Variants in EIF4G3 observed in about 807,000 individuals in gnomAD.
The protein encoded by EIF4G3 is eukaryotic translation initiation factor 4 gamma 3, also known as eIF-4-gamma 3.
In EIF4G3, 34 loss-of-function variants were observed where a neutral mutation model predicts 186.4. The ratio of observed to expected loss-of-function variants is 0.18; its 90% CI spans 0.14 to 0.24. EIF4G3 has a LOEUF of 0.24. EIF4G3 is among the 10% of genes least tolerant of loss of function. The pLI, the probability that EIF4G3 is intolerant of heterozygous loss-of-function variation, is 1.00. For synonymous variants in EIF4G3, 673 were observed against 679.5 expected, an observed-to-expected ratio of 0.99 and a Z score of 0.15; for missense variants, 1,536 against 1,948.5, an observed-to-expected ratio of 0.79 and a Z score of 3.99.
intron 12 of EIF4G3, among the ~76,000 whole-genome samples, chr1:20,951,199 G>A (rs2096203224): frequency 6.6e-6 from 1 of 151,814 alleles, no homozygotes; most frequent in Non-Finnish European, 1.5e-5. Context: ...CTTAAAATGG[G>A]AATATAAAAT....
intron 2 of EIF4G3, among the ~76,000 whole-genome samples, chr1:21,128,229 C>T (rs1456442259): frequency 6.8e-6 from 1 of 146,100 alleles, no homozygotes; most frequent in Non-Finnish European, 1.5e-5. Flanking sequence ...AAAGTTTCGG[C>T]TGGGTGTGGT....
intron 30 of EIF4G3, among the ~76,000 whole-genome samples, chr1:20,838,646 C>T (rs150915080): frequency 8.1e-4 from 123 of 152,260 alleles, no homozygotes; most frequent in African/African-American, 2.8e-3. Flanking sequence ...GTTCAAATGG[C>T]CTTAATTCAG....
intron 2 of EIF4G3, chr1:21,111,224 AT>A: frequency 4.6e-6 from 2 of 438,628 alleles, no homozygotes; most frequent in Non-Finnish European, 9.4e-6. Flanking sequence ...TGTGTTGCAC[AT>A]TCCTGAGTAC....
intron 13 of EIF4G3, among the ~76,000 whole-genome samples, chr1:20,944,062 A>G (rs1176214780): frequency 6.8e-6 from 1 of 148,126 alleles, no homozygotes. Flanking sequence ...TAGATGGAAC[A>G]CACCATATAT....
intron 20 of EIF4G3, among the ~76,000 whole-genome samples, chr1:20,877,307 A>T (rs929114918): frequency 1.3e-5 from 2 of 152,212 alleles, no homozygotes; most frequent in African/African-American, 4.8e-5. Flanking sequence ...GCTTCCATAT[A>T]ACTATGGCAC....
Position 20,862,243 on chromosome 1 carries a change from A to G in EIF4G3, c.3096T>C (p.Val1032=), listed in dbSNP as rs759719330. Residue 1032 remains valine, a synonymous_variant, in exon 23 of 37, where the codon GTT becomes GTC. Transcript: ENST00000602326. ...TCCCACTCACCAGCCTTAGGTCTAT[A>G]ACATCTTGAAGCATGAACCGAATCC... ...SSRIRFMLQD[V]IDLRLCNWVS... 1 of 1,603,118 alleles carries G rather than the reference A, an allele frequency of 6.2e-7. No individual in the cohort carries two copies. The highest frequency in any genetic ancestry group is 1.1e-5 in the South Asian group (1 of 89,526).
intron 3 of EIF4G3, among the ~76,000 whole-genome samples, chr1:21,058,136 T>C (rs2094654174): frequency 6.6e-6 from 1 of 152,138 alleles, no homozygotes; most frequent in Admixed American, 6.6e-5. Flanking sequence ...AAACAAAGTT[T>C]CCTTAACATG....
At chr1:20,869,025 A>T (rs1002106774) in intron 20 of EIF4G3, among the ~76,000 whole-genome samples, 5 of 152,288 alleles carry the variant, frequency 3.3e-5, no homozygotes, top group Admixed American at 6.5e-5. Flanking sequence ...ATCAAATTCT[A>T]GAGAATCATC....
chr1:20,907,771 A>G, intron 14 of EIF4G3, among the ~76,000 whole-genome samples: 1 of 151,962 alleles, frequency 6.6e-6, no homozygotes, highest in East Asian at 1.9e-4. Flanking sequence ...TATGTGCCAC[A>G]TTTTCTTAAT....
At chr1:20,948,922 T>C (rs2096082151) in intron 13 of EIF4G3, among the ~76,000 whole-genome samples, 1 of 130,426 alleles carries the variant, frequency 7.7e-6, no homozygotes, top group Non-Finnish European at 1.5e-5. Flanking sequence ...GGCAGGAGAA[T>C]AGCTTGAGCC....
chr1:20,913,255 T>C (rs1371482628), intron 14 of EIF4G3, among the ~76,000 whole-genome samples: 1 of 152,160 alleles, frequency 6.6e-6, no homozygotes, highest in Non-Finnish European at 1.5e-5. Flanking sequence ...ATGAGGAAAC[T>C]AGACTTAAAT....
intron 30 of EIF4G3, among the ~76,000 whole-genome samples, chr1:20,835,671 G>T (rs1276130143): frequency 4.6e-5 from 7 of 152,168 alleles, no homozygotes; most frequent in Non-Finnish European, 1.0e-4. Flanking sequence ...CAGGTGCACT[G>T]CCTTAAACCT....
At position 20,880,302 on chromosome 1, in the gene EIF4G3, G is replaced by A. The variant is rs1288264569; in HGVS notation, c.2425-782C>T. ...CTACATAGACAATCATAAGGAATCT[G>A]CAAAAAGACCAGAATAAGTCAGTCT... On this transcript the variant is annotated intron_variant, in intron 19 of 36. Coordinates refer to ENST00000602326, the MANE Select transcript of EIF4G3 (RefSeq NM_001391906.1). Among the ~76,000 whole-genome samples, 3 of 152,174 alleles carry A rather than the reference G, an allele frequency of 2.0e-5. No individual in the cohort carries two copies. In the South Asian group the frequency reaches 6.2e-4, roughly 31 times the overall value.
At chr1:20,979,756 CTTT>C (rs11370570) in intron 10 of EIF4G3, among the ~76,000 whole-genome samples, 1 of 144,004 alleles carries the variant, frequency 6.9e-6, no homozygotes, top group Non-Finnish European at 1.5e-5. Flanking sequence ...ACTTTTCTGT[CTTT>C]TTTTTTTTTT....
chr1:21,078,412 A>G (rs2095655562), intron 3 of EIF4G3, among the ~76,000 whole-genome samples: 1 of 152,202 alleles, frequency 6.6e-6, no homozygotes, highest in African/African-American at 2.4e-5. Flanking sequence ...CATCTCATGT[A>G]GGTACAGAGT....
chr1:20,827,552 C>A, intron 32 of EIF4G3, 65 bp downstream of exon 32: 2 of 1,037,320 alleles, frequency 1.9e-6, no homozygotes, highest in Non-Finnish European at 1.4e-6. Context: ...CACAGATAAC[C>A]CAAGATCAAG....
At chr1:20,969,350 A>C in intron 12 of EIF4G3, 124 bp downstream of exon 12, 1 of 1,122,434 alleles carries the variant, frequency 8.9e-7, no homozygotes, top group Non-Finnish European at 1.3e-6. Context: ...TACCATTTAG[A>C]TATTCGAGGC....
intron 3 of EIF4G3, among the ~76,000 whole-genome samples, chr1:21,085,110 G>A (rs899556347): frequency 6.6e-6 from 1 of 150,996 alleles, no homozygotes; most frequent in Non-Finnish European, 1.5e-5. Flanking sequence ...TAAAGGGACA[G>A]AATAAAGCAT....
At chr1:20,867,806 T>C (rs1409504647) in intron 20 of EIF4G3, among the ~76,000 whole-genome samples, 2 of 152,094 alleles carry the variant, frequency 1.3e-5, no homozygotes, top group Non-Finnish European at 2.9e-5. Context: ...AAAATAATGG[T>C]CAAGAGGAAT....
Sources: gnomAD v4.1 joint callset for allele counts (sites outside exome capture counted in the v4.1 genomes callset) on GRCh38, gnomAD v4.1.1 for gene constraint, MANE v1.5 for transcripts, NCBI Gene and HGNC (gene_info 2026-07-23, HGNC 2026-07-21) for gene names.